DEPDC5: variants seen among roughly 807,000 people sequenced by gnomAD.
DEPDC5 encodes the protein GATOR1 complex protein DEPDC5.
DEPDC5 carries 73 observed loss-of-function variants against 217.3 expected under a neutral mutation model. The observed-to-expected ratio is 0.34, with a 90% CI of 0.28 to 0.41. DEPDC5 has a LOEUF of 0.41. Among genes scored for constraint, DEPDC5 ranks in the 10% least tolerant of loss-of-function variants. The pLI, the probability that DEPDC5 is intolerant of heterozygous loss-of-function variation, is 1.00. For missense variants in DEPDC5, 1,675 were observed against 2,070.1 expected (o/e 0.81, Z 3.70); for synonymous variants, 733 against 756.7 (o/e 0.97, Z 0.51).
intron 18 of DEPDC5, among the ~76,000 whole-genome samples, chr22:31,807,175 T>C (rs1286595132): frequency 6.6e-6 from 1 of 152,236 alleles, no homozygotes; most frequent in Non-Finnish European, 1.5e-5. Context: ...ACCATACTTT[T>C]GCAAAGCATT....
At chr22:31,821,215 C>T (rs1202039955) in intron 22 of DEPDC5, among the ~76,000 whole-genome samples, 1 of 152,242 alleles carries the variant, frequency 6.6e-6, no homozygotes, top group Non-Finnish European at 1.5e-5. Context: ...GGCCATGCCT[C>T]CTATACTTGT....
intron 40 of DEPDC5, among the ~76,000 whole-genome samples, chr22:31,898,114 C>T (rs903678850): frequency 1.3e-5 from 2 of 152,134 alleles, no homozygotes; most frequent in African/African-American, 2.4e-5. Context: ...TCCTTTTGTG[C>T]AAAGCTGTGG....
intron 4 of DEPDC5, among the ~76,000 whole-genome samples, chr22:31,761,278 G>A (rs954517628): frequency 3.3e-5 from 5 of 152,272 alleles, no homozygotes; most frequent in South Asian, 2.1e-4. Flanking sequence ...ACCACACCCA[G>A]CCTGAACATT....
intron 38 of DEPDC5, among the ~76,000 whole-genome samples, chr22:31,881,811 T>TG (rs2093183370): frequency 6.6e-6 from 1 of 151,868 alleles, no homozygotes; most frequent in Non-Finnish European, 1.5e-5. Flanking sequence ...CTGGGTGTGG[T>TG]GGCGGGTACC....
chr22:31,773,943 C>G (rs1388737913), intron 7 of DEPDC5, among the ~76,000 whole-genome samples: 1 of 152,000 alleles, frequency 6.6e-6, no homozygotes, highest in Non-Finnish European at 1.5e-5. Context: ...TGATGGCAGG[C>G]TCCTGTAATC....
chr22:31,809,549 C>A, intron 18 of DEPDC5, 62 bp from the exon 19 acceptor site: 1 of 1,579,526 alleles, frequency 6.3e-7, no homozygotes, highest in Non-Finnish European at 8.7e-7. Flanking sequence ...ATATACTGTG[C>A]CTTGTGATAA....
rs1427057683 is a variant in DEPDC5, at chr22:31,893,597, A to T, written c.4049A>T (p.Glu1350Val). 1 of 1,609,630 alleles carries T rather than the reference A, an allele frequency of 6.2e-7. No homozygotes were observed. The highest frequency in any genetic ancestry group is 8.5e-7 in the Non-Finnish European group (1 of 1,178,032). ...GCTGACATAGCTGCCACTGTCCCAG[A>T]GCAGAGGACTGTGACCCTGGATGTT... ...AAALLAATVP[E>V]QRTVTLDVDV... is the part of the protein sequence containing the mutation. The change falls in exon 39 of 43, where the codon GAG becomes GTG. Residue 1350 changes from glutamate to valine, a missense_variant. Around this residue, in one of 11 missense-constraint regions of DEPDC5, gnomAD observed 182 missense variants for 290.1 expected, o/e 0.63. Coordinates refer to ENST00000651528, the MANE Select transcript of DEPDC5 (RefSeq NM_001242896.3).
rs10712869 is a variant in DEPDC5 at position 31,815,385 on chromosome 22, C to CTT, written c.1666+194_1666+195dup. On this transcript the variant is annotated intron_variant, in intron 21 of 42. Transcript: ENST00000651528. The stretch of plus-strand genomic sequence containing the variant: ...TGTTAGCTATGTATATATTATACTT[C>CTT]TTTTTTTTTTTTTTTTTTTTTTGGT... 8.5e-3 allele frequency: 4,880 copies of CTT among 574,898 alleles called. 2 individuals carry two copies. The highest frequency in any genetic ancestry group is 0.02 in the South Asian group (1,009 of 51,192). 35.6% of individuals were successfully genotyped at this position (574,898 alleles called of 1,614,324 possible). A position where few individuals can be genotyped will look rare whatever the true frequency, so the allele number is the denominator to read the frequency against.
chr22:31,886,388 C>G (rs1188770231), intron 38 of DEPDC5, among the ~76,000 whole-genome samples: 3 of 152,172 alleles, frequency 2.0e-5, no homozygotes, highest in Non-Finnish European at 4.4e-5. Context: ...AAAACCCTCT[C>G]TTGACTTCTG....
chr22:31,799,145 G>A (rs1379426993), intron 14 of DEPDC5, among the ~76,000 whole-genome samples: 1 of 151,680 alleles, frequency 6.6e-6, no homozygotes, highest in South Asian at 2.1e-4. Context: ...CTGGGTTCAG[G>A]CGATTCTCCT....
chr22:31,864,501 A>AAT (rs34148134), intron 33 of DEPDC5, among the ~76,000 whole-genome samples: 9,906 of 123,008 alleles, frequency 0.081, 860 homozygotes, highest in African/African-American at 0.15. Flanking sequence ...TCTTCATTAA[A>AAT]ATATATATAT....
chr22:31,869,165 G>C (rs1031994323), intron 33 of DEPDC5, among the ~76,000 whole-genome samples: 4 of 151,676 alleles, frequency 2.6e-5, no homozygotes, highest in African/African-American at 9.7e-5. Context: ...TTGAGCCCAA[G>C]AGTTTGAGGT....
intron 38 of DEPDC5, among the ~76,000 whole-genome samples, chr22:31,886,345 C>A (rs978495536): frequency 6.6e-6 from 1 of 152,152 alleles, no homozygotes; most frequent in African/African-American, 2.4e-5. Flanking sequence ...GGAATATCCT[C>A]GTTTCCAAAG....
intron 41 of DEPDC5, among the ~76,000 whole-genome samples, chr22:31,905,211 C>G (rs1268770638): frequency 1.3e-5 from 2 of 151,868 alleles, no homozygotes; most frequent in African/African-American, 4.8e-5. Context: ...GAGATGGAGT[C>G]TCGCCCTGTC....
At chr22:31,837,625 G>T (rs574966083) in intron 26 of DEPDC5, among the ~76,000 whole-genome samples, 5 of 152,224 alleles carry the variant, frequency 3.3e-5, no homozygotes, top group African/African-American at 1.2e-4. Context: ...AAAGTGCTGG[G>T]ATTACTACCT....
chr22:31,879,093 T>TAC (rs2093100310), intron 37 of DEPDC5, among the ~76,000 whole-genome samples: 2 of 135,182 alleles, frequency 1.5e-5, no homozygotes, highest in South Asian at 4.3e-4. Context: ...TATATATATA[T>TAC]ACACATATAT....
chr22:31,842,452 G>A (rs543303693), intron 27 of DEPDC5, among the ~76,000 whole-genome samples: 145 of 152,074 alleles, frequency 9.5e-4, no homozygotes, highest in African/African-American at 3.3e-3. Flanking sequence ...GAGCGTGCCT[G>A]TAATCCCAGC....
chr22:31,807,622 AG>A (rs1443276156), intron 18 of DEPDC5, among the ~76,000 whole-genome samples: 1 of 152,128 alleles, frequency 6.6e-6, no homozygotes, highest in Non-Finnish European at 1.5e-5. Flanking sequence ...TAGTGGAGAC[AG>A]GGTTTCACAT....
intron 7 of DEPDC5, among the ~76,000 whole-genome samples, chr22:31,777,244 A>G (rs969624104): frequency 6.9e-6 from 1 of 144,518 alleles, no homozygotes; most frequent in East Asian, 2.0e-4. Context: ...ATAGGCATGA[A>G]CCACTGCACC....
Sources: gnomAD v4.1 joint callset for allele counts (sites outside exome capture counted in the v4.1 genomes callset) on GRCh38, gnomAD v4.1.1 for gene constraint, gnomAD v4.1.1 regional missense constraint, MANE v1.5 for transcripts, NCBI Gene and HGNC (gene_info 2026-07-23, HGNC 2026-07-21) for gene names.